Variants in SYNE2 observed in about 807,000 individuals in gnomAD.
The protein encoded by SYNE2 is nesprin-2.
Under a neutral mutation model 856.3 loss-of-function variants are expected in SYNE2, and 431 were observed. That is an observed-to-expected ratio of 0.50 (90% CI 0.47 to 0.55). The LOEUF (loss-of-function observed/expected upper bound fraction) is 0.55. Ranked by LOEUF, SYNE2 falls within the 20% of genes least tolerant of loss-of-function variation. SYNE2 has a pLI of 0.00. For missense variants in SYNE2, 8,129 were observed against 8,023.2 expected, an observed-to-expected ratio of 1.01 and a Z score of -0.50; for synonymous variants, 2,923 against 2,872.3, an observed-to-expected ratio of 1.02 and a Z score of -0.56.
At chr14:64,217,155 C>G (rs928213053) in intron 108 of SYNE2, among the ~76,000 whole-genome samples, 1 of 152,240 alleles carries the variant, frequency 6.6e-6, no homozygotes, top group Non-Finnish European at 1.5e-5. Context: ...TGAGGCACTT[C>G]GCCTTGCTTC....
At chr14:64,219,067 A>G in intron 109 of SYNE2, 141 bp from the exon 110 acceptor site, 1 of 762,574 alleles carries the variant, frequency 1.3e-6, no homozygotes, top group Admixed American at 2.8e-5. Context: ...TCCCAAAACC[A>G]GACCCTTCTG....
In SYNE2 at chr14:64,052,905, G is replaced by T. The variant is rs748880780; in HGVS notation, c.8992G>T (p.Val2998Leu). 2.1e-5 allele frequency: 34 copies of T among 1,613,174 alleles called. No homozygotes were observed. The highest frequency in any genetic ancestry group is 8.0e-5 in the African/African-American group (6 of 74,886). The change falls in exon 48 of 116, where the codon GTA becomes TTA. Residue 2998 changes from valine to leucine, a missense_variant. Val to Leu is a conservative substitution (Grantham distance 32, BLOSUM62 1). This residue lies in a region of SYNE2 where 5,410 missense variants were observed against 5,284.8 expected (regional missense o/e 1.02). Coordinates refer to ENST00000555002, the MANE Select transcript of SYNE2 (RefSeq NM_182914.3). The part of the protein sequence containing the change: ...LTAIKCCILQ[V>L]LKLKKVFDYI... ...CGCTATTAAGTGTTGCATCTTACAG[G>T]TATTGAAACTTAAAAAAGTGTTTGA...
At chr14:63,971,068 G>C (rs1226555452) in intron 11 of SYNE2, among the ~76,000 whole-genome samples, 1 of 151,076 alleles carries the variant, frequency 6.6e-6, no homozygotes, top group Non-Finnish European at 1.5e-5. Flanking sequence ...GGTTGCTCTA[G>C]GGATTATAAT....
At chr14:63,948,786 A>G (rs1227802317) in intron 6 of SYNE2, among the ~76,000 whole-genome samples, 450 of 40,424 alleles carry the variant, frequency 0.011, 3 homozygotes, top group East Asian at 0.031. Flanking sequence ...GTGTGTGTAT[A>G]TATATATATA....
intron 85 of SYNE2, among the ~76,000 whole-genome samples, chr14:64,154,168 TAAAA>T (rs5809216): frequency 7.2e-6 from 1 of 137,998 alleles, no homozygotes; most frequent in African/African-American, 2.7e-5. Context: ...CCATTTGTAT[TAAAA>T]AAAAAAAAAA....
At chr14:63,895,507 AC>A (rs2095233160) in intron 1 of SYNE2, among the ~76,000 whole-genome samples, 1 of 149,572 alleles carries the variant, frequency 6.7e-6, no homozygotes, top group African/African-American at 2.5e-5. Context: ...TAATCCTAGC[AC>A]TTTGGAGGCC....
rs2098648179 is a variant in SYNE2 at position 64,212,803 on chromosome 14, C to G, written c.18862-8C>G. On this transcript the variant is annotated splice_polypyrimidine_tract_variant and splice_region_variant and intron_variant, in intron 104 of 115. Coordinates refer to ENST00000555002, the MANE Select transcript of SYNE2 (RefSeq NM_182914.3). ...CTTTGAAATCCTTTCTTTCTCCTCT[C>G]TCAACAGGGCTTCCAACAGGAAATT... is the stretch of plus-strand genomic sequence containing the variant. 1.2e-6 allele frequency: 2 copies of G among 1,613,952 alleles called. No homozygotes were observed. Among genetic ancestry groups the G allele is most frequent in the Non-Finnish European group, 1.7e-6 (2 of 1,179,878 alleles).
intron 99 of SYNE2, chr14:64,202,341 A>G (rs2098576775): frequency 1.4e-6 from 1 of 701,616 alleles, no homozygotes; most frequent in Non-Finnish European, 2.6e-6. Flanking sequence ...AAATACCACC[A>G]AGTGAACCAG....
chr14:63,852,993 G>C (rs552973060), upstream of SYNE2: 73 of 151,772 alleles, frequency 4.8e-4, no homozygotes, highest in South Asian at 0.015. Flanking sequence ...GCCAAGGAGC[G>C]GAGCGCGCTC....
At chr14:63,834,157 A>C (rs992494300) in intron 1 of SYNE2, among the ~76,000 whole-genome samples, 2 of 152,202 alleles carry the variant, frequency 1.3e-5, no homozygotes, top group East Asian at 3.8e-4. Flanking sequence ...TCTTAATTTA[A>C]TATGTTCATA....
intron 96 of SYNE2, among the ~76,000 whole-genome samples, chr14:64,181,181 A>G (rs1200690690): frequency 6.6e-6 from 1 of 151,954 alleles, no homozygotes; most frequent in African/African-American, 2.4e-5. Context: ...TGAGTCTTCC[A>G]TTGTTGATTT....
At chr14:64,138,017 T>C (rs1208796691) in intron 79 of SYNE2, 34 bp downstream of exon 79, 2 of 1,598,426 alleles carry the variant, frequency 1.3e-6, no homozygotes, top group Non-Finnish European at 1.7e-6. Context: ...GGCTTCATAT[T>C]GTGCTGTGAA....
chr14:63,861,517 A>C (rs890678434), intron 1 of SYNE2, among the ~76,000 whole-genome samples: 1 of 151,694 alleles, frequency 6.6e-6, no homozygotes, highest in Admixed American at 6.6e-5. Context: ...TAGGCTGGGC[A>C]CTGTAGCATA....
At chr14:64,149,611 C>T (rs2098221821) in intron 84 of SYNE2, among the ~76,000 whole-genome samples, 27 of 152,080 alleles carry the variant, frequency 1.8e-4, no homozygotes, top group Admixed American at 1.8e-3. Context: ...AAGTTTGATG[C>T]CTCTATACTA....
At chr14:63,974,882 G>GTATATATATATATATATA in intron 11 of SYNE2, among the ~76,000 whole-genome samples, 1 of 27,132 alleles carries the variant, frequency 3.7e-5, no homozygotes, top group African/African-American at 1.3e-4. Flanking sequence ...GTGTGTGTGT[G>GTATATATATATATATATA]TGTGTGTGTG....
chr14:63,847,361 G>A (rs1001823633), intron 1 of SYNE2, among the ~76,000 whole-genome samples: 4 of 151,898 alleles, frequency 2.6e-5, no homozygotes, highest in Admixed American at 1.3e-4. Flanking sequence ...GGAGGCTGAG[G>A]TGGGAGGATC....
intron 1 of SYNE2, among the ~76,000 whole-genome samples, chr14:63,868,082 C>A (rs1347599200): frequency 6.6e-6 from 1 of 151,766 alleles, no homozygotes; most frequent in African/African-American, 2.4e-5. Flanking sequence ...GCTTTTTGCC[C>A]ACTGTTGCAG....
chr14:64,172,426 C>T (rs1398798542), intron 94 of SYNE2, among the ~76,000 whole-genome samples: 2 of 152,124 alleles, frequency 1.3e-5, no homozygotes, highest in African/African-American at 4.8e-5. Flanking sequence ...GACAGTGGAG[C>T]TCCTCTCCTT....
chr14:63,848,174 A>T (rs557829964), upstream of SYNE2: 1 of 152,346 alleles, frequency 6.6e-6, no homozygotes, highest in South Asian at 2.1e-4. Flanking sequence ...GGCATCAGCC[A>T]CCTCGTCTGG....
Sources: allele counts gnomAD v4.1 joint callset (sites outside exome capture counted in the v4.1 genomes callset), GRCh38; gene constraint gnomAD v4.1.1; regional missense constraint gnomAD v4.1.1; transcripts MANE v1.5; gene names NCBI Gene and HGNC (gene_info 2026-07-23, HGNC 2026-07-21).